SH3BGRL: variants seen among roughly 807,000 people sequenced by gnomAD.
The protein encoded by SH3BGRL is SH3 domain binding glutamate rich protein like.
In SH3BGRL, 7 loss-of-function variants were observed where a neutral mutation model predicts 9.8. That is an observed-to-expected ratio of 0.72 (90% CI 0.41 to 1.35). SH3BGRL has a LOEUF of 1.35. Ranked by LOEUF, SH3BGRL falls within the 40% of genes most tolerant of loss-of-function variation. The pLI is 0.01. For missense variants in SH3BGRL, 73 were observed against 84.4 expected (o/e 0.86, Z 0.53); for synonymous variants, 36 against 29.1 (o/e 1.24, Z -0.76).
intron 3 of SH3BGRL, among the ~76,000 whole-genome samples, chrX:81,293,844 T>C (rs982049839): frequency 8.9e-6 from 1 of 111,989 alleles, no homozygotes; most frequent in Non-Finnish European, 1.9e-5. Flanking sequence ...GACAATAAGG[T>C]CCAGGCTGAG....
chrX:81,266,127 A>G (rs746162011), intron 1 of SH3BGRL, among the ~76,000 whole-genome samples: 12 of 111,481 alleles, frequency 1.1e-4, no homozygotes, highest in African/African-American at 3.9e-4. Context: ...GATTGCAAAA[A>G]TTTTCTCCCG....
intron 3 of SH3BGRL, among the ~76,000 whole-genome samples, chrX:81,279,551 C>T (rs967712161): frequency 2.5e-4 from 28 of 111,362 alleles, no homozygotes; most frequent in Non-Finnish European, 9.4e-5. Context: ...CCTCCTCTCC[C>T]GAACAGATAC....
intron 1 of SH3BGRL, among the ~76,000 whole-genome samples, chrX:81,241,618 T>A (rs2075670023): frequency 8.9e-6 from 1 of 111,770 alleles, no homozygotes; most frequent in Admixed American, 9.4e-5. Context: ...TGTCACTCAA[T>A]GAAGCTCATC....
intron 1 of SH3BGRL, 63 bp downstream of exon 1, chrX:81,202,308 A>G: frequency 2.8e-6 from 3 of 1,082,652 alleles, no homozygotes; most frequent in African/African-American, 1.9e-5. Flanking sequence ...GCTGCCCCAG[A>G]ACCATTAAAA....
chrX:81,209,329 T>C, intron 1 of SH3BGRL, among the ~76,000 whole-genome samples: 1 of 111,921 alleles, frequency 8.9e-6, no homozygotes, highest in African/African-American at 3.2e-5. Context: ...ACTTTAGTAA[T>C]AGTAAAGACA....
chrX:81,266,278 C>G (rs1264403379), intron 1 of SH3BGRL, among the ~76,000 whole-genome samples: 1 of 111,622 alleles, frequency 9.0e-6, no homozygotes, highest in African/African-American at 3.3e-5. Flanking sequence ...TTGCCCATGC[C>G]TATGTCCTGA....
At chrX:81,277,214 C>A in intron 2 of SH3BGRL, 45 bp downstream of exon 2, 1 of 1,045,824 alleles carries the variant, frequency 9.6e-7, no homozygotes, top group African/African-American at 1.9e-5. Context: ...TAGATTGCCC[C>A]AAATCTATCC....
Position 81,297,894 on chromosome X carries a change from T to A in SH3BGRL, c.*667T>A, listed in dbSNP as rs1317366142. 2 of 111,942 alleles carry A rather than the reference T, an allele frequency of 1.8e-5. No homozygotes were observed. Among genetic ancestry groups the A allele is most frequent in the African/African-American group, 3.2e-5 (1 of 30,931 alleles). 9.2% of individuals were successfully genotyped at this position (111,942 alleles called of 1,213,427 possible). ...CAATAGATTCATTCAGTGGACAAGTTCCTTGTTTAACTACACAGCTATGAT... is the reference window on the plus strand; with the variant it reads ...CAATAGATTCATTCAGTGGACAAGTACCTTGTTTAACTACACAGCTATGAT... On this transcript the variant is annotated 3_prime_UTR_variant, in exon 4 of 4. Coordinates refer to ENST00000373212, the MANE Select transcript of SH3BGRL (RefSeq NM_003022.3).
chrX:81,278,461 AC>A (rs778844083), intron 3 of SH3BGRL, 50 bp downstream of exon 3: 3 of 798,474 alleles, frequency 3.8e-6, no homozygotes, highest in Non-Finnish European at 5.5e-6. Flanking sequence ...TTGCTGCTGA[AC>A]TTTTTTAATC....
At chrX:81,211,667 A>G (rs1191454739) in intron 1 of SH3BGRL, among the ~76,000 whole-genome samples, 1 of 111,456 alleles carries the variant, frequency 9.0e-6, no homozygotes, top group Non-Finnish European at 1.9e-5. Context: ...CTTCCAGCAA[A>G]TATAAAGCAG....
chrX:81,277,999 G>C (rs2147712619), intron 2 of SH3BGRL, among the ~76,000 whole-genome samples: 1 of 111,767 alleles, frequency 8.9e-6, no homozygotes, highest in African/African-American at 3.2e-5. Flanking sequence ...TTTCCCTCCT[G>C]TTGCCCAGGC....
Position 81,219,959 on chromosome X carries a change from G to A in SH3BGRL, c.45+17714G>A, listed in dbSNP as rs148504258. 5.7e-3 allele frequency among the ~76,000 whole-genome samples: 634 copies of A among 111,038 alleles called. 8 individuals are homozygous for A. The highest frequency in any genetic ancestry group is 0.02 in the African/African-American group (618 of 30,617). ...CTGTTGAACCATCTTTGCATCCCTG[G>A]GATAAATTCCACTTGGTCATGATGA... On this transcript the variant is annotated intron_variant, in intron 1 of 3. Transcript: ENST00000373212.
At chrX:81,249,405 C>T (rs893829653) in intron 1 of SH3BGRL, among the ~76,000 whole-genome samples, 9 of 112,195 alleles carry the variant, frequency 8.0e-5, no homozygotes, top group African/African-American at 2.9e-4. Flanking sequence ...TTCTTAACTA[C>T]AGTCTATTTT....
intron 1 of SH3BGRL, among the ~76,000 whole-genome samples, chrX:81,265,661 A>G (rs1473076588): frequency 2.7e-5 from 3 of 112,224 alleles, no homozygotes; most frequent in Non-Finnish European, 5.6e-5. Flanking sequence ...TAGTGCTGCA[A>G]TAAACATACA....
chrX:81,221,810 A>C (rs2147673092), intron 1 of SH3BGRL, among the ~76,000 whole-genome samples: 1 of 112,366 alleles, frequency 8.9e-6, no homozygotes, highest in African/African-American at 3.2e-5. Context: ...TTTTGTTATT[A>C]ATGTCAATTG....
intron 3 of SH3BGRL, among the ~76,000 whole-genome samples, chrX:81,292,193 G>A (rs1281484978): frequency 2.7e-5 from 3 of 112,255 alleles, no homozygotes; most frequent in Admixed American, 9.4e-5. Flanking sequence ...CTCCATGCTT[G>A]CAGCAGACTT....
At chrX:81,245,267 G>A (rs1377953484) in intron 1 of SH3BGRL, among the ~76,000 whole-genome samples, 1 of 111,788 alleles carries the variant, frequency 8.9e-6, no homozygotes, top group African/African-American at 3.3e-5. Context: ...AAGGCACTCT[G>A]TTCTGTATTC....
intron 1 of SH3BGRL, among the ~76,000 whole-genome samples, chrX:81,249,091 C>G (rs1370947484): frequency 8.1e-5 from 9 of 111,277 alleles, no homozygotes; most frequent in Middle Eastern, 9.2e-3. Context: ...GAGGCATGCT[C>G]AAATACGCTG....
rs201441414 is a variant in SH3BGRL, at chrX:81,234,282, TA to T, written c.45+32045del. On this transcript the variant is annotated intron_variant, in intron 1 of 3. Coordinates refer to ENST00000373212, the MANE Select transcript of SH3BGRL (RefSeq NM_003022.3). ...TTTCTCAAAGTAATAAGGCAAATGT[TA>T]AAAAAAATCATTTCTGCATTATGCA... is the stretch of plus-strand genomic sequence containing the variant. Among the ~76,000 whole-genome samples, 31 of 111,846 alleles carry T rather than the reference TA, an allele frequency of 2.8e-4. 1 individual carries two copies. The highest frequency in any genetic ancestry group is 8.1e-4 in the African/African-American group (25 of 30,979).
Sources: allele counts gnomAD v4.1 joint callset (sites outside exome capture counted in the v4.1 genomes callset), GRCh38; gene constraint gnomAD v4.1.1; transcripts MANE v1.5; gene names NCBI Gene and HGNC (gene_info 2026-07-23, HGNC 2026-07-21).